IGSF22: variants seen among roughly 807,000 people sequenced by gnomAD.
The protein encoded by IGSF22 is immunoglobulin superfamily member 22.
IGSF22 carries 119 observed loss-of-function variants against 127.0 expected under a neutral mutation model. The ratio of observed to expected loss-of-function variants is 0.94; its 90% confidence interval spans 0.81 to 1.09. IGSF22 has a LOEUF of 1.09. IGSF22 is among the 50% of genes least tolerant of loss of function. The pLI is 0.00. For missense variants in IGSF22, 1,518 were observed against 1,716.6 expected (o/e 0.88, Z 2.04); for synonymous variants, 568 against 664.7 (o/e 0.85, Z 2.24).
chr11:18,720,579 A>C (rs913270648), intron 4 of IGSF22, among the ~76,000 whole-genome samples: 1 of 152,146 alleles, frequency 6.6e-6, no homozygotes. Flanking sequence ...TTGTAACTCT[A>C]TCTGCAGTTT....
Position 18,707,208 on chromosome 11 carries a change from G to A in IGSF22, c.3286C>T (p.Pro1096Ser), listed in dbSNP as rs1229068330. ...AACCGTAGGTTTGTGGGGGGCCGAGGGAAATCTGGAAGAGTTGGAAGATCT... is the reference window on the plus strand; with the variant it reads ...AACCGTAGGTTTGTGGGGGGCCGAGAGAAATCTGGAAGAGTTGGAAGATCT... ...YDIHVRVADFPRPPTNLRLFE... is the reference protein window; with the variant it reads ...YDIHVRVADFSRPPTNLRLFE... Residue 1096 changes from proline to serine, a missense_variant, in exon 21 of 23, where the codon CCT (proline) becomes TCT (serine). This residue lies in a region of IGSF22 where 1,456 missense variants were observed against 1,644.9 expected (regional missense o/e 0.89). Coordinates refer to ENST00000513874, the MANE Select transcript of IGSF22 (RefSeq NM_173588.4). The A allele has an allele frequency of 2.0e-6, 3 of 1,525,390 alleles. No homozygotes were observed. The highest frequency in any genetic ancestry group is 2.7e-5 in the African/African-American group (2 of 72,762). The allele number at this position is 1,525,390 out of a possible 1,614,324, so 94.5% of individuals were successfully genotyped here. A position where few individuals can be genotyped will look rare whatever the true frequency, so the allele number is the denominator to read the frequency against.
chr11:18,714,061 A>ATCCT lies in IGSF22; in HGVS notation c.1885_1886insAGGA (p.Val629GlufsTer46), dbSNP rs1848409413. The ATCCT allele has an allele frequency of 1.9e-6, 3 of 1,614,006 alleles. No individual in the cohort carries two copies. Among genetic ancestry groups the ATCCT allele is most frequent in the African/African-American group, 1.3e-5 (1 of 74,874 alleles). On this transcript the variant is annotated frameshift_variant, in exon 14 of 23. Transcript: ENST00000513874. LOFTEE classifies it high-confidence loss of function. ...GGGCAGTGGTTTTCCCCGGAAGGGG[A>ATCCT]CCTTGATGTGGGCCGTGTGGCCTAC... is the stretch of plus-strand genomic sequence containing the variant.
At chr11:18,724,037 A>T in intron 2 of IGSF22, 91 bp downstream of exon 2, 2 of 968,492 alleles carry the variant, frequency 2.1e-6, no homozygotes. Flanking sequence ...AGAGGGGCCC[A>T]TTAGTGGCAA....
In IGSF22 at chr11:18,706,952, A is replaced by G; in HGVS notation, c.3542T>C (p.Leu1181Pro). Residue 1181 changes from leucine (L) to proline (P), a missense_variant, in exon 21 of 23, where the codon CTT becomes CCT. Around this residue, in one of 3 missense-constraint regions of IGSF22, gnomAD observed 1,456 missense variants for 1,644.9 expected, o/e 0.89. Transcript: ENST00000513874. ...GATGAGCCAGGTGTCCCTGGAGTCA[A>G]GTGGCTCACTGTCACCGATTTCATT... ...ARNEIGDSEP[L>P]DSRDTWLINK... 6.5e-7 allele frequency: 1 copy of G among 1,529,530 alleles called. No individual in the cohort carries two copies. Among genetic ancestry groups the G allele is most frequent in the Non-Finnish European group, 8.8e-7 (1 of 1,134,798 alleles). The allele number at this position is 1,529,530 out of a possible 1,614,324, so 94.7% of individuals were successfully genotyped here.
Position 18,719,770 on chromosome 11 carries a change from G to C in IGSF22, c.642C>G (p.Asp214Glu). Residue 214 changes from aspartate to glutamate, a missense_variant, in exon 7 of 23, where the codon GAC (aspartate) becomes GAG (glutamate). Asp to Glu is a conservative substitution (Grantham distance 45). This residue lies in a region of IGSF22 where 1,456 missense variants were observed against 1,644.9 expected (regional missense o/e 0.89). Coordinates refer to ENST00000513874, the MANE Select transcript of IGSF22 (RefSeq NM_173588.4). The stretch of plus-strand genomic sequence containing the variant: ...TGAGCTTCCTGAGCAGCCCCCGAAA[G>C]TCGGTGAAACCATACTCCATGCACA... ...EKVCMEYGFT[D>E]FRGLLRKLKE... 6.2e-7 allele frequency: 1 copy of C among 1,614,182 alleles called. No individual in the cohort carries two copies. Among genetic ancestry groups the C allele is most frequent in the Non-Finnish European group, 8.5e-7 (1 of 1,180,040 alleles).
intron 4 of IGSF22, among the ~76,000 whole-genome samples, chr11:18,721,236 C>T (rs1020522972): frequency 9.2e-5 from 14 of 152,234 alleles, no homozygotes; most frequent in Admixed American, 9.2e-4. Context: ...TTGGCTCACT[C>T]GCCTTGTGGA....
At chr11:18,708,060 C>T in intron 19 of IGSF22, 64 bp from the exon 20 acceptor site, 1 of 1,591,604 alleles carries the variant, frequency 6.3e-7, no homozygotes, top group Non-Finnish European at 8.6e-7. Context: ...AGGCCTTCCT[C>T]CATTGTCGAG....
At chr11:18,717,732 C>T (rs1011957577) in intron 9 of IGSF22, among the ~76,000 whole-genome samples, 199 bp downstream of exon 9, 1 of 152,122 alleles carries the variant, frequency 6.6e-6, no homozygotes, top group South Asian at 2.1e-4. Context: ...TGCTACACAG[C>T]CCCAAGGCAC....
At chr11:18,711,549 C>T (rs772183159) in intron 15 of IGSF22, among the ~76,000 whole-genome samples, 4 of 152,118 alleles carry the variant, frequency 2.6e-5, no homozygotes, top group Non-Finnish European at 5.9e-5. Context: ...AGGAGCCCGC[C>T]ACCACACCCA....
chr11:18,724,339 G>T, intron 1 of IGSF22, 70 bp from the exon 2 acceptor site: 1 of 790,374 alleles, frequency 1.3e-6, no homozygotes, highest in Non-Finnish European at 2.2e-6. Flanking sequence ...TGTTATGTGT[G>T]TGTTCAGACA....
Position 18,711,948 on chromosome 11 carries a change from G to A in IGSF22, c.2398+134C>T, listed in dbSNP as rs533272947. The A allele has an allele frequency of 1.3e-5, 10 of 748,270 alleles. No individual in the cohort carries two copies. The South Asian group carries it at 1.9e-4, about 14-fold the overall frequency. 46.4% of individuals were successfully genotyped at this position (748,270 alleles called of 1,614,324 possible). A position where few individuals can be genotyped will look rare whatever the true frequency, so the allele number is the denominator to read the frequency against. ...CAAAATGATGTTCTGTTTTTACTCT[G>A]GAATCGGTCTGTCTCATGAGACAGC... is the stretch of plus-strand genomic sequence containing the variant. On this transcript the variant is annotated intron_variant, in intron 15 of 22. Coordinates refer to ENST00000513874, the MANE Select transcript of IGSF22 (RefSeq NM_173588.4).
intron 22 of IGSF22, chr11:18,705,329 A>C: frequency 6.0e-6 from 1 of 165,614 alleles, no homozygotes; most frequent in Non-Finnish European, 1.3e-5. Flanking sequence ...GTGTGCACAC[A>C]TGAGTAGAAA....
At position 18,714,299 on chromosome 11, in the gene IGSF22, A is replaced by C; in HGVS notation, c.1776T>G (p.Ser592Arg). 1 of 1,614,014 alleles carries C rather than the reference A, an allele frequency of 6.2e-7. No homozygotes were observed. The highest frequency in any genetic ancestry group is 8.5e-7 in the Non-Finnish European group (1 of 1,179,958). The change falls in exon 13 of 23, where the codon AGT (serine) becomes AGG (arginine). Residue 592 changes from serine (S) to arginine (R), a missense_variant. Around this residue, in one of 3 missense-constraint regions of IGSF22, gnomAD observed 1,456 missense variants for 1,644.9 expected, o/e 0.89. Coordinates refer to ENST00000513874, the MANE Select transcript of IGSF22 (RefSeq NM_173588.4). The part of the protein sequence containing the change: ...KYTFRAKGTE[S>R]EASVFIADPP... ...TACCTGCGATGAATACAGAGGCTTC[A>C]CTTTCCGTGCCCTTGGCCCGGAATG...
chr11:18,710,492 CA>C (rs1304200217), intron 16 of IGSF22, 37 bp from the exon 17 acceptor site: 1 of 1,612,120 alleles, frequency 6.2e-7, no homozygotes, highest in African/African-American at 1.3e-5. Context: ...AGGCCAGAGG[CA>C]TCCATGGGGT....
rs748540000 is a variant in IGSF22 at position 18,707,423 on chromosome 11, C to G, written c.3281-210G>C. On this transcript the variant is annotated intron_variant, in intron 20 of 22. Coordinates refer to ENST00000513874, the MANE Select transcript of IGSF22 (RefSeq NM_173588.4). ...GTTACTTATCTGAGACTTCTTTCCT[C>G]AATTGCAAAATAGAGCTGACAATGA... The G allele has an allele frequency of 2.3e-4, 123 of 543,190 alleles. No homozygotes were observed. Among genetic ancestry groups the G allele is most frequent in the Admixed American group, 2.2e-4 (6 of 27,814 alleles). 33.6% of individuals were successfully genotyped at this position (543,190 alleles called of 1,614,324 possible).
At chr11:18,708,412 A>G (rs1848289116) in intron 18 of IGSF22, 117 bp from the exon 19 acceptor site, 5 of 704,970 alleles carry the variant, frequency 7.1e-6, no homozygotes, top group South Asian at 6.2e-5. Context: ...ACTACAGGCC[A>G]TACAGACATC....
At position 18,707,056 on chromosome 11, in the gene IGSF22, G is replaced by A; in HGVS notation, c.3438C>T (p.Ala1146=). 5 of 1,551,680 alleles carry A rather than the reference G, an allele frequency of 3.2e-6. No individual in the cohort carries two copies. The highest frequency in any genetic ancestry group is 1.2e-5 in the South Asian group (1 of 84,056). ...TGTACTTGTTGCTGAAGACACGCTC[G>A]GCTGCCGTGTACCAGGTGGCTGTGC... ...DASTATWYTA[A]ERVFSNKYTV... Residue 1146 remains alanine (A), a synonymous_variant, in exon 21 of 23, where the codon GCC becomes GCT. Transcript: ENST00000513874.
At chr11:18,713,599 T>G (rs1256691612) in intron 14 of IGSF22, among the ~76,000 whole-genome samples, 1 of 152,204 alleles carries the variant, frequency 6.6e-6, no homozygotes, top group Non-Finnish European at 1.5e-5. Context: ...CACTTTAAAT[T>G]AACTAGAAAT....
At position 18,715,761 on chromosome 11, in the gene IGSF22, C is replaced by T. The variant is rs1346143118; in HGVS notation, c.1247-45G>A. ...TGGGCCTGCTCCCAAACCACGACAT[C>T]TTTTTTCTGCAGCTATAGAGCCAAA... On this transcript the variant is annotated intron_variant, in intron 10 of 22. Transcript: ENST00000513874. 2.5e-6 allele frequency: 4 copies of T among 1,570,062 alleles called. No individual in the cohort carries two copies. The East Asian group carries it at 9.0e-5, about 35-fold the overall frequency.
Sources: gnomAD v4.1 joint callset for allele counts (sites outside exome capture counted in the v4.1 genomes callset) on GRCh38, gnomAD v4.1.1 for gene constraint, gnomAD v4.1.1 regional missense constraint, MANE v1.5 for transcripts, NCBI Gene and HGNC (gene_info 2026-07-23, HGNC 2026-07-21) for gene names.